The following IL7R variants were observed in gnomAD, a reference collection of about 807,000 sequenced individuals.
IL7R encodes interleukin 7 receptor.
In IL7R, 38 loss-of-function variants were observed where a neutral mutation model predicts 47.0. The ratio of observed to expected loss-of-function variants is 0.81; its 90% CI spans 0.62 to 1.06. The LOEUF (loss-of-function observed/expected upper bound fraction) is 1.06, where lower values mean the gene tolerates loss of function less well. IL7R is among the 50% of genes least tolerant of loss of function. The probability of loss-of-function intolerance (pLI) is 0.00; values close to 1 mark genes in which losing one functional copy is unlikely to be tolerated. For missense variants in IL7R, 633 were observed against 534.8 expected (o/e 1.18, Z -1.81); for synonymous variants, 221 against 199.8 (o/e 1.11, Z -0.89).
intron 3 of IL7R, among the ~76,000 whole-genome samples, chr5:35,870,623 A>C (rs1348249052): frequency 1.3e-5 from 2 of 152,340 alleles, no homozygotes; most frequent in East Asian, 1.9e-4. Flanking sequence ...AACATATGAT[A>C]TCTCAAACAC....
intron 4 of IL7R, chr5:35,873,196 T>C (rs1760116594): frequency 1.6e-5 from 7 of 449,332 alleles, no homozygotes; most frequent in Non-Finnish European, 2.5e-5. Flanking sequence ...GAAGAAGATA[T>C]TGAAGTGTGG....
At chr5:35,871,282 G>T in intron 4 of IL7R, 69 bp downstream of exon 4, 2 of 1,314,198 alleles carry the variant, frequency 1.5e-6, no homozygotes, top group Non-Finnish European at 2.2e-6. Context: ...GCCTAGTAGT[G>T]CATTTCCCCT....
At chr5:35,857,241 A>G (rs908478659) in intron 1 of IL7R, among the ~76,000 whole-genome samples, 182 bp downstream of exon 1, 5 of 152,068 alleles carry the variant, frequency 3.3e-5, no homozygotes, top group Admixed American at 1.3e-4. Flanking sequence ...GATCAATACT[A>G]TGGGTGGTTT....
intron 1 of IL7R, among the ~76,000 whole-genome samples, chr5:35,857,445 A>AG (rs879830725): frequency 1.3e-4 from 20 of 151,256 alleles, no homozygotes; most frequent in East Asian, 3.9e-4. Flanking sequence ...TTTTTAAGAA[A>AG]TCCTGAAAGC....
intron 7 of IL7R, 157 bp downstream of exon 7, chr5:35,875,744 G>A: frequency 2.6e-6 from 2 of 773,722 alleles, no homozygotes; most frequent in South Asian, 3.0e-5. Flanking sequence ...GTAGGGAACT[G>A]AAATAAGATA....
At chr5:35,867,613 A>G (rs1177613188) in intron 3 of IL7R, 150 bp downstream of exon 3, 1 of 708,690 alleles carries the variant, frequency 1.4e-6, no homozygotes, top group African/African-American at 1.8e-5. Context: ...TTTATAATAA[A>G]TGAAAAGCTT....
chr5:35,872,323 C>A (rs1208503614), intron 4 of IL7R, among the ~76,000 whole-genome samples: 1 of 152,138 alleles, frequency 6.6e-6, no homozygotes, highest in Non-Finnish European at 1.5e-5. Context: ...CTCAGCCTCC[C>A]AAGTACCTGT....
intron 1 of IL7R, 152 bp from the exon 2 acceptor site, chr5:35,860,700 C>T: frequency 1.3e-6 from 1 of 787,840 alleles, no homozygotes; most frequent in South Asian, 1.7e-5. Context: ...TTTTTCTTGT[C>T]TTTGCCCTTG....
intron 3 of IL7R, among the ~76,000 whole-genome samples, 197 bp from the exon 4 acceptor site, chr5:35,870,859 G>A (rs1023186881): frequency 6.6e-6 from 1 of 152,138 alleles, no homozygotes; most frequent in African/African-American, 2.4e-5. Flanking sequence ...TCACTCACAA[G>A]GCCACACCCC....
intron 7 of IL7R, 170 bp downstream of exon 7, chr5:35,875,757 C>A: frequency 1.3e-6 from 1 of 757,934 alleles, no homozygotes; most frequent in Non-Finnish European, 2.3e-6. Flanking sequence ...ATAAGATACA[C>A]ATCTCAGAAC....
intron 2 of IL7R, among the ~76,000 whole-genome samples, chr5:35,864,762 A>G (rs1328011701): frequency 1.3e-5 from 2 of 151,898 alleles, no homozygotes; most frequent in East Asian, 3.9e-4. Context: ...GAAGTTTGCC[A>G]TTTTATTTTC....
chr5:35,866,482 C>G (rs953248817), intron 2 of IL7R, among the ~76,000 whole-genome samples: 4 of 152,108 alleles, frequency 2.6e-5, no homozygotes, highest in African/African-American at 9.7e-5. Context: ...GACACTATTT[C>G]TTTCCTTATA....
chr5:35,864,011 C>T (rs980330702), intron 2 of IL7R, among the ~76,000 whole-genome samples: 1 of 152,078 alleles, frequency 6.6e-6, no homozygotes, highest in Non-Finnish European at 1.5e-5. Context: ...TATTTTTCCC[C>T]TAGAAGGATG....
intron 3 of IL7R, among the ~76,000 whole-genome samples, chr5:35,869,842 C>G (rs971089205): frequency 1.3e-5 from 2 of 152,200 alleles, no homozygotes; most frequent in African/African-American, 4.8e-5. Flanking sequence ...TTTTGATAAA[C>G]TTCCCCTTTT....
chr5:35,875,599 T>G lies in IL7R; in HGVS notation c.876+12T>G, dbSNP rs2149904849. 1.2e-6 allele frequency: 2 copies of G among 1,602,480 alleles called. No individual in the cohort carries two copies. Among genetic ancestry groups the G allele is most frequent in the South Asian group, 1.1e-5 (1 of 90,800 alleles). ...AGAAACCAAGAAAAGTGAGTGTTTT[T>G]GGTGCTTAAAAAGTGTTGTGTTGGC... is the stretch of plus-strand genomic sequence containing the variant. On this transcript the variant is annotated intron_variant, in intron 7 of 7. Coordinates refer to ENST00000303115, the MANE Select transcript of IL7R (RefSeq NM_002185.5).
At chr5:35,867,491 T>A in intron 3 of IL7R, 28 bp downstream of exon 3, 2 of 1,595,570 alleles carry the variant, frequency 1.3e-6, no homozygotes, top group Non-Finnish European at 1.7e-6. Flanking sequence ...AAAGTATGGT[T>A]GTCACTTTTG....
Position 35,871,188 on chromosome 5 carries a change from A to C in IL7R, c.512A>C (p.Gln171Pro), listed in dbSNP as rs531875566. 3 of 1,613,058 alleles carry C rather than the reference A, an allele frequency of 1.9e-6. No individual in the cohort carries two copies. The Admixed American group carries it at 5.0e-5, about 27-fold the overall frequency. The change falls in exon 4 of 8, where the codon CAG (glutamine) becomes CCG (proline). Residue 171 changes from glutamine to proline, a missense_variant. By Grantham distance (76) the Gln-to-Pro change is moderately conservative (BLOSUM62 -1). Coordinates refer to ENST00000303115, the MANE Select transcript of IL7R (RefSeq NM_002185.5). Reference sequence around the variant, plus strand: ...TTAATGCACGATGTAGCTTACCGCCAGGAAAAGGATGAAAACAAATGGACG... The same window carrying C: ...TTAATGCACGATGTAGCTTACCGCCCGGAAAAGGATGAAAACAAATGGACG... Reference protein sequence around the residue: ...KVLMHDVAYRQEKDENKWTHV... With the variant: ...KVLMHDVAYRPEKDENKWTHV...
intron 2 of IL7R, 123 bp downstream of exon 2, chr5:35,861,113 T>G: frequency 9.6e-7 from 1 of 1,042,326 alleles, no homozygotes; most frequent in Non-Finnish European, 1.5e-6. Flanking sequence ...ATCTAAGGAA[T>G]TCCCAAAGGC....
At chr5:35,865,659 G>A (rs1012007190) in intron 2 of IL7R, among the ~76,000 whole-genome samples, 2 of 152,188 alleles carry the variant, frequency 1.3e-5, no homozygotes, top group African/African-American at 4.8e-5. Context: ...ATTCTAACTG[G>A]TGTGAGATGG....
Sources: allele counts gnomAD v4.1 joint callset (sites outside exome capture counted in the v4.1 genomes callset), GRCh38; gene constraint gnomAD v4.1.1; transcripts MANE v1.5; gene names NCBI Gene and HGNC (gene_info 2026-07-23, HGNC 2026-07-21).